Variants in DAB2IP observed in about 807,000 individuals in gnomAD.
DAB2IP encodes disabled homolog 2-interacting protein.
DAB2IP carries 28 observed loss-of-function variants against 107.2 expected under a neutral mutation model. The ratio of observed to expected loss-of-function variants is 0.26; its 90% CI spans 0.19 to 0.36. DAB2IP has a LOEUF of 0.36. Among genes scored for constraint, DAB2IP ranks in the 10% least tolerant of loss-of-function variants. The pLI is 1.00. For missense variants in DAB2IP, 1,400 were observed against 1,644.7 expected (o/e 0.85, Z 2.57); for synonymous variants, 755 against 706.4 (o/e 1.07, Z -1.09).
At chr9:121,771,250 GAC>G (rs1293964599) in intron 11 of DAB2IP, among the ~76,000 whole-genome samples, 3 of 152,222 alleles carry the variant, frequency 2.0e-5, no homozygotes, top group Non-Finnish European at 4.4e-5. Flanking sequence ...GCCTAAATAA[GAC>G]ACACACGGCA....
At chr9:121,568,148 C>T (rs906540561) in intron 1 of DAB2IP, among the ~76,000 whole-genome samples, 2 of 152,180 alleles carry the variant, frequency 1.3e-5, no homozygotes, top group African/African-American at 4.8e-5. Context: ...GACCACAGTT[C>T]TACTAAGAAA....
chr9:121,578,148 G>T (rs1353290233), intron 1 of DAB2IP, among the ~76,000 whole-genome samples: 1 of 152,096 alleles, frequency 6.6e-6, no homozygotes, highest in Non-Finnish European at 1.5e-5. Flanking sequence ...AAACCCTTCT[G>T]AGCCTCTTCT....
rs1834853869 is a variant in DAB2IP, at chr9:121,772,721, A to T, written c.2193A>T (p.Glu731Asp). The change falls in exon 12 of 16, where the codon GAA becomes GAT. Residue 731 changes from glutamate to aspartate, a missense_variant. Around this residue, in one of 3 missense-constraint regions of DAB2IP, gnomAD observed 600 missense variants for 659.1 expected, o/e 0.91. Transcript: ENST00000408936. The surrounding 1 kb of genome is among the most constrained non-coding windows in gnomAD (Gnocchi z 4.7). ...CTGCCCGCAGCTCGAGTTACTCGGA[A>T]GCCAACGAGCCTGATCTTCAGATGG... 6.2e-7 allele frequency: 1 copy of T among 1,613,846 alleles called. No homozygotes were observed. The highest frequency in any genetic ancestry group is 1.7e-5 in the Admixed American group (1 of 60,008).
chr9:121,717,150 A>G (rs930185927), intron 3 of DAB2IP, among the ~76,000 whole-genome samples: 4 of 152,190 alleles, frequency 2.6e-5, no homozygotes, highest in African/African-American at 7.2e-5. Context: ...AGGTGATGCT[A>G]TGCAGTCCTC....
At chr9:121,768,257 A>G (rs1587990103) in intron 9 of DAB2IP, among the ~76,000 whole-genome samples, 175 bp from the exon 10 acceptor site, 1 of 152,184 alleles carries the variant, frequency 6.6e-6, no homozygotes, top group Non-Finnish European at 1.5e-5. Context: ...TGGACTTACC[A>G]TGAGCAAGGA....
At chr9:121,591,289 T>C (rs965147066) in intron 1 of DAB2IP, among the ~76,000 whole-genome samples, 1 of 152,146 alleles carries the variant, frequency 6.6e-6, no homozygotes, top group East Asian at 1.9e-4. Context: ...GCCAACATAG[T>C]GAAACCCTGT....
chr9:121,699,423 C>T lies in DAB2IP; in HGVS notation c.327C>T (p.Phe109=). 1 of 1,463,034 alleles carries T rather than the reference C, an allele frequency of 6.8e-7. No individual in the cohort carries two copies. The highest frequency in any genetic ancestry group is 9.1e-7 in the Non-Finnish European group (1 of 1,097,106). 90.6% of individuals were successfully genotyped at this position (1,463,034 alleles called of 1,614,324 possible). ...GCTTCCGCCACATCCTGCCGGGGTT[C>T]CGGAGCGCCGCCGCCGCCGCCGCGG... Residue 109 remains phenylalanine, a synonymous_variant, in exon 3 of 16, where the codon TTC becomes TTT. Coordinates refer to ENST00000408936, the Ensembl canonical transcript of DAB2IP. This position sits in a 1 kb window ranked among gnomAD's most constrained non-coding sequence, Gnocchi z 6.2.
intron 2 of DAB2IP, among the ~76,000 whole-genome samples, chr9:121,697,956 A>C (rs1331691936): frequency 6.6e-6 from 1 of 152,144 alleles, no homozygotes; most frequent in African/African-American, 2.4e-5. Context: ...TTTGCAGCAA[A>C]TGTTTTTCTG....
rs375642084 is a variant in DAB2IP at position 121,621,924 on chromosome 9, G to A, written c.40+54696G>A. Among the ~76,000 whole-genome samples, 114 of 151,038 alleles carry A rather than the reference G, an allele frequency of 7.5e-4. 1 individual carries two copies. Among genetic ancestry groups the A allele is most frequent in the African/African-American group, 2.6e-3 (109 of 41,256 alleles). On this transcript the variant is annotated intron_variant, in intron 1 of 16. Coordinates refer to the DAB2IP transcript ENST00000259371. ...CCTGCCTTGGCCTCCCAAAGTGTTG[G>A]GATTACAGATGTGAGCCACCATGCC...
At position 121,698,994 on chromosome 9, in the gene DAB2IP, G is replaced by A. The variant is rs1215226785; in HGVS notation, c.229-331G>A. Reference sequence around the variant, plus strand: ...TCCGCAGCCCCGCCCCCTCGTCCCGGTACTCCCCCTCGCCCCGGCGCCCGG... The same window carrying A: ...TCCGCAGCCCCGCCCCCTCGTCCCGATACTCCCCCTCGCCCCGGCGCCCGG... On this transcript the variant is annotated intron_variant, in intron 2 of 15. Transcript: ENST00000408936. The surrounding 1 kb of genome is among the most constrained non-coding windows in gnomAD (Gnocchi z 4.1). Among the ~76,000 whole-genome samples, 1 of 151,492 alleles carries A rather than the reference G, an allele frequency of 6.6e-6. No individual in the cohort carries two copies. Among genetic ancestry groups the A allele is most frequent in the African/African-American group, 2.4e-5 (1 of 41,346 alleles).
At chr9:121,758,582 T>A (rs1463074135) in intron 4 of DAB2IP, among the ~76,000 whole-genome samples, 1 of 152,076 alleles carries the variant, frequency 6.6e-6, no homozygotes. Flanking sequence ...TCTTCCCATC[T>A]CAGGGAGAGG....
At chr9:121,632,533 C>G (rs1033899098) in intron 1 of DAB2IP, among the ~76,000 whole-genome samples, 5 of 152,176 alleles carry the variant, frequency 3.3e-5, no homozygotes, top group African/African-American at 1.2e-4. Flanking sequence ...AGGACACCCC[C>G]TCCCCTGCCC....
chr9:121,650,308 C>A (rs1445983335), upstream of DAB2IP, among the ~76,000 whole-genome samples: 1 of 152,192 alleles, frequency 6.6e-6, no homozygotes, highest in Non-Finnish European at 1.5e-5. Flanking sequence ...TCAGGGAAGG[C>A]GCCTGGCTTC....
Position 121,760,529 on chromosome 9 carries a change from C to CAG in DAB2IP, c.1170+93_1170+94dup. ...TCACATCCGTACATTTCAGGCCTAACAGAGGCCTTGGAGGCACCGGTCACT... is the reference window on the plus strand; with the variant it reads ...TCACATCCGTACATTTCAGGCCTAACAGAGAGGCCTTGGAGGCACCGGTCACT... On this transcript the variant is annotated intron_variant, in intron 6 of 15. Transcript: ENST00000408936. This position sits in a 1 kb window ranked among gnomAD's most constrained non-coding sequence, Gnocchi z 5.9. The CAG allele has an allele frequency of 7.1e-7, 1 of 1,417,548 alleles. No homozygotes were observed. Among genetic ancestry groups the CAG allele is most frequent in the Middle Eastern group, 2.1e-4 (1 of 4,798 alleles). The allele number at this position is 1,417,548 out of a possible 1,614,324, so 87.8% of individuals were successfully genotyped here.
intron 3 of DAB2IP, among the ~76,000 whole-genome samples, chr9:121,730,731 C>T (rs1441284530): frequency 6.6e-6 from 1 of 152,226 alleles, no homozygotes; most frequent in Admixed American, 6.5e-5. Flanking sequence ...TCAGGCACAG[C>T]TGGCACTTTC....
intron 1 of DAB2IP, among the ~76,000 whole-genome samples, chr9:121,624,829 A>G (rs1421518615): frequency 1.3e-5 from 2 of 152,240 alleles, no homozygotes; most frequent in African/African-American, 4.8e-5. Context: ...TTCTGGAATT[A>G]CTGAGAAAGT....
At position 121,702,818 on chromosome 9, in the gene DAB2IP, C is replaced by G. The variant is rs560080086; in HGVS notation, c.362+3360C>G. Among the ~76,000 whole-genome samples the G allele has an allele frequency of 1.3e-5, 2 of 152,076 alleles. No homozygotes were observed. The highest frequency in any genetic ancestry group is 2.9e-5 in the Non-Finnish European group (2 of 68,022). Reference sequence around the variant, plus strand: ...ATGCTTTCCTCATTCCTTCTCTCTCCTGATGCTGTTTCTGGGTGACTCTAG... The same window carrying G: ...ATGCTTTCCTCATTCCTTCTCTCTCGTGATGCTGTTTCTGGGTGACTCTAG... On this transcript the variant is annotated intron_variant, in intron 3 of 15. Coordinates refer to ENST00000408936, the Ensembl canonical transcript of DAB2IP. This position sits in a 1 kb window ranked among gnomAD's most constrained non-coding sequence, Gnocchi z 4.5.
At chr9:121,673,844 C>T (rs1263716415) in intron 1 of DAB2IP, among the ~76,000 whole-genome samples, 3 of 152,168 alleles carry the variant, frequency 2.0e-5, no homozygotes, top group African/African-American at 7.2e-5. Context: ...CAGCTCCTCT[C>T]AGGGCCTGGT....
chr9:121,582,706 GC>G (rs903987622), intron 1 of DAB2IP, among the ~76,000 whole-genome samples: 28 of 152,172 alleles, frequency 1.8e-4, no homozygotes, highest in Admixed American at 5.9e-4. Context: ...AAACGCTTGG[GC>G]TGGCTAAGCC....
Sources: gnomAD v4.1 joint callset for allele counts (sites outside exome capture counted in the v4.1 genomes callset) on GRCh38, gnomAD v4.1.1 for gene constraint, gnomAD v4.1.1 regional missense constraint, Gnocchi (gnomAD v3.1) non-coding constraint, MANE v1.5 for transcripts, NCBI Gene and HGNC (gene_info 2026-07-23, HGNC 2026-07-21) for gene names.